Variants in ESS2 observed in about 807,000 individuals in gnomAD.
The protein encoded by ESS2 is splicing factor ESS-2 homolog.
Under a neutral mutation model 52.0 loss-of-function variants are expected in ESS2, and 31 were observed. The observed-to-expected ratio is 0.60, with a 90% CI of 0.45 to 0.81. ESS2 has a LOEUF of 0.81. ESS2 is among the 30% of genes least tolerant of loss of function. The pLI is 0.00. For synonymous variants in ESS2, 285 were observed against 259.2 expected (o/e 1.10, Z -0.95); for missense variants, 602 against 637.2 (o/e 0.94, Z 0.59).
chr22:19,132,597 C>A lies in ESS2; in HGVS notation c.*1599G>T. On this transcript the variant is annotated 3_prime_UTR_variant, in exon 10 of 10. Coordinates refer to ENST00000252137, the MANE Select transcript of ESS2 (RefSeq NM_022719.3). This position sits in a 1 kb window ranked among gnomAD's most constrained non-coding sequence, Gnocchi z 4.2. ...AGAAGGCACAGGTGCAAGTAAAATT[C>A]GTCAATTAAACCACTATTTTGATTA... is the stretch of plus-strand genomic sequence containing the variant. 9.8e-7 allele frequency: 1 copy of A among 1,025,562 alleles called. No homozygotes were observed. The highest frequency in any genetic ancestry group is 1.5e-6 in the Non-Finnish European group (1 of 689,004). 63.5% of individuals were successfully genotyped at this position (1,025,562 alleles called of 1,614,324 possible).
In ESS2 at chr22:19,138,326, A is replaced by C; in HGVS notation, c.823-9T>G. ...ACCTTGCCCTGTTTGTGCTGGAACAAGCAGAGAGGCTGGCATCAGGGGGAC... is the reference window on the plus strand; with the variant it reads ...ACCTTGCCCTGTTTGTGCTGGAACACGCAGAGAGGCTGGCATCAGGGGGAC... On this transcript the variant is annotated splice_polypyrimidine_tract_variant and intron_variant, in intron 6 of 9. Coordinates refer to ENST00000252137, the MANE Select transcript of ESS2 (RefSeq NM_022719.3). 6.2e-7 allele frequency: 1 copy of C among 1,613,408 alleles called. No individual in the cohort carries two copies. Among genetic ancestry groups the C allele is most frequent in the East Asian group, 2.2e-5 (1 of 44,862 alleles).
rs572869976 is a variant in ESS2, at chr22:19,134,098, C to A, written c.*98G>T. 8.5e-5 allele frequency: 115 copies of A among 1,349,388 alleles called. No individual in the cohort carries two copies. The African/African-American group carries it at 1.6e-3, about 19-fold the overall frequency. The allele number at this position is 1,349,388 out of a possible 1,614,324, so 83.6% of individuals were successfully genotyped here. On this transcript the variant is annotated 3_prime_UTR_variant, in exon 10 of 10. Transcript: ENST00000252137. Reference sequence around the variant, plus strand: ...TCCTGGTATGGTCAACAGCTTCTGGCCCAGGCCTGGGCCCCGAGAAGGCTG... The same window carrying A: ...TCCTGGTATGGTCAACAGCTTCTGGACCAGGCCTGGGCCCCGAGAAGGCTG...
In ESS2 at chr22:19,131,744, G is replaced by A. The variant is rs1167279884; in HGVS notation, c.*2452C>T. ...CCCTGCATGAGGACGTGGCACGCAA[G>A]ATGTTCCGACAGCTCTCCTCCGCCG... On this transcript the variant is annotated 3_prime_UTR_variant, in exon 10 of 10. Coordinates refer to ENST00000252137, the MANE Select transcript of ESS2 (RefSeq NM_022719.3). This position sits in a 1 kb window ranked among gnomAD's most constrained non-coding sequence, Gnocchi z 5.7. 6.2e-7 allele frequency: 1 copy of A among 1,614,002 alleles called. No homozygotes were observed. Among genetic ancestry groups the A allele is most frequent in the African/African-American group, 1.3e-5 (1 of 74,914 alleles).
intron 1 of ESS2, among the ~76,000 whole-genome samples, chr22:19,143,727 G>A (rs1026732048): frequency 1.3e-5 from 2 of 152,138 alleles, no homozygotes; most frequent in African/African-American, 2.4e-5. Flanking sequence ...GTGGTGGCGG[G>A]CACCTGTAGT....
Position 19,131,956 on chromosome 22 carries a change from T to C in ESS2, c.*2240A>G, listed in dbSNP as rs780542563. 1 of 1,613,958 alleles carries C rather than the reference T, an allele frequency of 6.2e-7. No individual in the cohort carries two copies. Among genetic ancestry groups the C allele is most frequent in the Non-Finnish European group, 8.5e-7 (1 of 1,180,016 alleles). Reference sequence around the variant, plus strand: ...TCGGCAGCATATGCAGCCCCCGAGGTGCTGCAGAGCATCCCCTACCAGCCC... The same window carrying C: ...TCGGCAGCATATGCAGCCCCCGAGGCGCTGCAGAGCATCCCCTACCAGCCC... On this transcript the variant is annotated 3_prime_UTR_variant, in exon 10 of 10. Coordinates refer to ENST00000252137, the MANE Select transcript of ESS2 (RefSeq NM_022719.3). The surrounding 1 kb of genome is among the most constrained non-coding windows in gnomAD (Gnocchi z 5.7).
Position 19,134,106 on chromosome 22 carries a change from TG to T in ESS2, c.*89del, listed in dbSNP as rs1246244174. The T allele has an allele frequency of 7.3e-7, 1 of 1,376,848 alleles. No homozygotes were observed. The highest frequency in any genetic ancestry group is 1.5e-5 in the African/African-American group (1 of 67,370). 85.3% of individuals were successfully genotyped at this position (1,376,848 alleles called of 1,614,324 possible). On this transcript the variant is annotated 3_prime_UTR_variant, in exon 10 of 10. Transcript: ENST00000252137. ...TGGTCAACAGCTTCTGGCCCAGGCC[TG>T]GGCCCCGAGAAGGCTGGAGTCCTCT...
chr22:19,134,086 A>T lies in ESS2; in HGVS notation c.*110T>A. ...TTCTCCAGTGACTCCTGGTATGGTC[A>T]ACAGCTTCTGGCCCAGGCCTGGGCC... On this transcript the variant is annotated 3_prime_UTR_variant, in exon 10 of 10. Transcript: ENST00000252137. 2 of 1,297,286 alleles carry T rather than the reference A, an allele frequency of 1.5e-6. No homozygotes were observed. The highest frequency in any genetic ancestry group is 2.0e-6 in the Non-Finnish European group (2 of 1,004,026). 80.4% of individuals were successfully genotyped at this position (1,297,286 alleles called of 1,614,324 possible).
At position 19,130,517 on chromosome 22, in the gene ESS2, G is replaced by A; in HGVS notation, c.*3679C>T. On this transcript the variant is annotated 3_prime_UTR_variant, in exon 10 of 10. Coordinates refer to ENST00000252137, the MANE Select transcript of ESS2 (RefSeq NM_022719.3). ...TTAAAAGGGGCCCAGTGCCTTCAAGGCCTGTCTACTGTGGTACCGGAGTGA... is the reference window on the plus strand; with the variant it reads ...TTAAAAGGGGCCCAGTGCCTTCAAGACCTGTCTACTGTGGTACCGGAGTGA... 1 of 377,694 alleles carries A rather than the reference G, an allele frequency of 2.6e-6. No homozygotes were observed. Among genetic ancestry groups the A allele is most frequent in the Non-Finnish European group, 5.0e-6 (1 of 199,122 alleles). 23.4% of individuals were successfully genotyped at this position (377,694 alleles called of 1,614,324 possible). A position where few individuals can be genotyped will look rare whatever the true frequency, so the allele number is the denominator to read the frequency against.
intron 4 of ESS2, 55 bp downstream of exon 4, chr22:19,139,800 C>G: frequency 1.2e-6 from 2 of 1,613,866 alleles, no homozygotes; most frequent in Non-Finnish European, 1.7e-6. Flanking sequence ...CTGGGGCTCC[C>G]CAACCACCAC....
chr22:19,142,668 G>A (rs758902573), intron 2 of ESS2, 35 bp from the exon 3 acceptor site: 5 of 1,609,846 alleles, frequency 3.1e-6, no homozygotes, highest in Non-Finnish European at 2.5e-6. Context: ...ATTAGAGTGA[G>A]CCTGAAGCGA....
chr22:19,139,209 G>C lies in ESS2; in HGVS notation c.772C>G (p.Gln258Glu). ...NTRFLRDPFS[Q>E]ALSRCQLQQA... ...TGGAGCTGGCACCTGCTCAGGGCTTGGCTGAAGGGGTCCCTAAGGAAGCGC... is the reference window on the plus strand; with the variant it reads ...TGGAGCTGGCACCTGCTCAGGGCTTCGCTGAAGGGGTCCCTAAGGAAGCGC... Residue 258 changes from glutamine to glutamate, a missense_variant, in exon 6 of 10, where the codon CAA (glutamine) becomes GAA (glutamate). By Grantham distance (29) the Gln-to-Glu change is conservative. Coordinates refer to ENST00000252137, the MANE Select transcript of ESS2 (RefSeq NM_022719.3). 1 of 1,608,124 alleles carries C rather than the reference G, an allele frequency of 6.2e-7. No individual in the cohort carries two copies. The highest frequency in any genetic ancestry group is 1.1e-5 in the South Asian group (1 of 89,904).
rs1230130627 is a variant in ESS2 at position 19,133,908 on chromosome 22, G to A, written c.*288C>T. The A allele has an allele frequency of 3.0e-6, 1 of 330,970 alleles. No homozygotes were observed. Among genetic ancestry groups the A allele is most frequent in the Admixed American group, 4.9e-5 (1 of 20,340 alleles). 20.5% of individuals were successfully genotyped at this position (330,970 alleles called of 1,614,324 possible). A position where few individuals can be genotyped will look rare whatever the true frequency, so the allele number is the denominator to read the frequency against. ...CAGGGCAAGGCTAGGGCTCGTGTGG[G>A]GAGCAAGATGGAGAGGCAACCCCCC... On this transcript the variant is annotated 3_prime_UTR_variant, in exon 10 of 10. Coordinates refer to ENST00000252137, the MANE Select transcript of ESS2 (RefSeq NM_022719.3).
chr22:19,132,216 C>G lies in ESS2; in HGVS notation c.*1980G>C. ...TGAGATCCTCAGCCACTCGTGGCTGCAGCCCCCCAAGCCCAAAGCCACGTC... is the reference window on the plus strand; with the variant it reads ...TGAGATCCTCAGCCACTCGTGGCTGGAGCCCCCCAAGCCCAAAGCCACGTC... On this transcript the variant is annotated 3_prime_UTR_variant, in exon 10 of 10. Coordinates refer to ENST00000252137, the MANE Select transcript of ESS2 (RefSeq NM_022719.3). This position sits in a 1 kb window ranked among gnomAD's most constrained non-coding sequence, Gnocchi z 4.2. The G allele has an allele frequency of 6.2e-7, 1 of 1,612,218 alleles. No individual in the cohort carries two copies. Among genetic ancestry groups the G allele is most frequent in the Non-Finnish European group, 8.5e-7 (1 of 1,178,596 alleles).
intron 8 of ESS2, among the ~76,000 whole-genome samples, chr22:19,136,750 G>C (rs2083588912): frequency 6.6e-6 from 1 of 152,112 alleles, no homozygotes; most frequent in African/African-American, 2.4e-5. Flanking sequence ...TTAGAACCAA[G>C]GTAACCAGAA....
In ESS2 at chr22:19,137,447, C is replaced by T. The variant is rs1487089654; in HGVS notation, c.926-15G>A. 4 of 1,596,332 alleles carry T rather than the reference C, an allele frequency of 2.5e-6. No homozygotes were observed. Among genetic ancestry groups the T allele is most frequent in the Admixed American group, 3.4e-5 (2 of 59,194 alleles). ...CTCGTTCACACCTGCAGACAAAGAGCCCAAAACCACCTCAGGCCAGAGGAC... is the reference window on the plus strand; with the variant it reads ...CTCGTTCACACCTGCAGACAAAGAGTCCAAAACCACCTCAGGCCAGAGGAC... On this transcript the variant is annotated splice_polypyrimidine_tract_variant and intron_variant, in intron 7 of 9. Transcript: ENST00000252137.
chr22:19,142,054 G>T (rs1249515972), intron 3 of ESS2, among the ~76,000 whole-genome samples: 2 of 152,216 alleles, frequency 1.3e-5, no homozygotes, highest in Non-Finnish European at 2.9e-5. Flanking sequence ...ACCAAAGCCA[G>T]GCTGGAAGCC....
Position 19,137,427 on chromosome 22 carries a change from T to C in ESS2, c.931A>G (p.Asn311Asp). ...VATPSPAPGV[N>D]ESPMMTWGEV... ...CCCCAGGTCATCATCGGGGACTCGT[T>C]CACACCTGCAGACAAAGAGCCCAAA... is the stretch of plus-strand genomic sequence containing the variant. The change falls in exon 8 of 10, where the codon AAC becomes GAC. Residue 311 changes from asparagine to aspartate, a missense_variant. Asn to Asp is a conservative substitution (Grantham distance 23). Coordinates refer to ENST00000252137, the MANE Select transcript of ESS2 (RefSeq NM_022719.3). 6.2e-7 allele frequency: 1 copy of C among 1,612,172 alleles called. No individual in the cohort carries two copies. The highest frequency in any genetic ancestry group is 8.5e-7 in the Non-Finnish European group (1 of 1,178,964).
At chr22:19,138,490 C>T (rs2083625121) in intron 6 of ESS2, 173 bp from the exon 7 acceptor site, 1 of 734,996 alleles carries the variant, frequency 1.4e-6, no homozygotes, top group Non-Finnish European at 2.5e-6. Context: ...CTGCCCCAAC[C>T]CCCCAAAAGA....
At chr22:19,138,365 C>T (rs752344654) in intron 6 of ESS2, 48 bp from the exon 7 acceptor site, 19 of 1,557,566 alleles carry the variant, frequency 1.2e-5, no homozygotes, top group African/African-American at 4.1e-5. Context: ...AGCCCACGCT[C>T]GACAGCTGGC....
Sources: gnomAD v4.1 joint callset for allele counts (sites outside exome capture counted in the v4.1 genomes callset) on GRCh38, gnomAD v4.1.1 for gene constraint, Gnocchi (gnomAD v3.1) non-coding constraint, MANE v1.5 for transcripts, NCBI Gene and HGNC (gene_info 2026-07-23, HGNC 2026-07-21) for gene names.